The following UNC5D variants were observed in gnomAD, a reference collection of about 807,000 sequenced individuals.
The protein encoded by UNC5D is netrin receptor UNC5D.
In UNC5D, 39 loss-of-function variants were observed where a neutral mutation model predicts 105.4. The ratio of observed to expected loss-of-function variants is 0.37; its 90% CI spans 0.29 to 0.48. The LOEUF (loss-of-function observed/expected upper bound fraction) is 0.48. UNC5D is among the 20% of genes least tolerant of loss of function. UNC5D has a pLI of 0.98. For synonymous variants in UNC5D, 452 were observed against 450.4 expected, an observed-to-expected ratio of 1.00 and a Z score of -0.04; for missense variants, 991 against 1,202.4, an observed-to-expected ratio of 0.82 and a Z score of 2.60.
chr8:35,569,661 A>G (rs991585031), intron 3 of UNC5D, among the ~76,000 whole-genome samples: 2 of 152,178 alleles, frequency 1.3e-5, no homozygotes, highest in African/African-American at 4.8e-5. Context: ...ATTTTAGCCA[A>G]CAATTATTTT....
At chr8:35,349,384 A>G (rs1463469325) in intron 1 of UNC5D, among the ~76,000 whole-genome samples, 2 of 152,028 alleles carry the variant, frequency 1.3e-5, no homozygotes, top group Non-Finnish European at 2.9e-5. Flanking sequence ...AGTTATTTAT[A>G]TCTTCTGAAT....
chr8:35,783,927 G>A (rs1340562018), intron 16 of UNC5D, among the ~76,000 whole-genome samples: 2 of 152,010 alleles, frequency 1.3e-5, no homozygotes, highest in Admixed American at 1.3e-4. Flanking sequence ...CAAATCTAAA[G>A]TTTTATTATT....
chr8:35,345,974 G>A (rs1032223860), intron 1 of UNC5D, among the ~76,000 whole-genome samples: 2 of 152,012 alleles, frequency 1.3e-5, no homozygotes, highest in African/African-American at 2.4e-5. Context: ...CTCAGGTCAT[G>A]GCGTGTGTTT....
intron 1 of UNC5D, among the ~76,000 whole-genome samples, chr8:35,456,080 A>T (rs1329417813): frequency 1.3e-5 from 2 of 152,182 alleles, no homozygotes; most frequent in Non-Finnish European, 2.9e-5. Flanking sequence ...GGCCTGCCTA[A>T]TTCAGATAAT....
At chr8:35,292,171 T>G (rs1807116938) in intron 1 of UNC5D, among the ~76,000 whole-genome samples, 1 of 152,220 alleles carries the variant, frequency 6.6e-6, no homozygotes, top group Admixed American at 6.5e-5. Context: ...ACAGTTCGAT[T>G]TTCCCATATT....
At chr8:35,670,104 G>A (rs970180211) in intron 4 of UNC5D, among the ~76,000 whole-genome samples, 2 of 152,016 alleles carry the variant, frequency 1.3e-5, no homozygotes, top group African/African-American at 4.8e-5. Context: ...GGCCAGAGTG[G>A]GAGGAGGAAA....
At chr8:35,621,457 T>G (rs938351714) in intron 4 of UNC5D, among the ~76,000 whole-genome samples, 1 of 152,116 alleles carries the variant, frequency 6.6e-6, no homozygotes, top group African/African-American at 2.4e-5. Flanking sequence ...TATGTTAGGT[T>G]TGCTGATTAG....
rs929392350 is a variant in UNC5D at position 35,791,659 on chromosome 8, A to C, written c.*1096A>C. 1.3e-5 allele frequency: 2 copies of C among 152,162 alleles called. No individual in the cohort carries two copies. The highest frequency in any genetic ancestry group is 4.8e-5 in the African/African-American group (2 of 41,434). The allele number at this position is 152,162 out of a possible 1,614,324, so 9.4% of individuals were successfully genotyped here. A position where few individuals can be genotyped will look rare whatever the true frequency, so the allele number is the denominator to read the frequency against. On this transcript the variant is annotated 3_prime_UTR_variant, in exon 17 of 17. Transcript: ENST00000404895. ...TCATTTTGCCTCTTGGGAAATTAGC[A>C]GATAGTCTTTGCTCTAAATGATATC... is the stretch of plus-strand genomic sequence containing the variant.
intron 1 of UNC5D, among the ~76,000 whole-genome samples, chr8:35,266,847 G>A (rs1328026299): frequency 1.3e-5 from 2 of 152,168 alleles, no homozygotes; most frequent in Non-Finnish European, 2.9e-5. Context: ...GCTTTTCATG[G>A]CATGGCAGCT....
At chr8:35,629,508 A>T (rs1233161903) in intron 4 of UNC5D, among the ~76,000 whole-genome samples, 3 of 152,154 alleles carry the variant, frequency 2.0e-5, no homozygotes, top group African/African-American at 7.2e-5. Flanking sequence ...ATTCATGGAC[A>T]TAAAGATGGA....
At chr8:35,551,991 A>G (rs1221547066) in intron 2 of UNC5D, among the ~76,000 whole-genome samples, 2 of 152,200 alleles carry the variant, frequency 1.3e-5, no homozygotes, top group African/African-American at 4.8e-5. Flanking sequence ...ACTGCTAATC[A>G]TTACACAGTT....
intron 1 of UNC5D, among the ~76,000 whole-genome samples, chr8:35,288,840 A>G (rs1806817922): frequency 6.6e-6 from 1 of 152,148 alleles, no homozygotes; most frequent in Non-Finnish European, 1.5e-5. Flanking sequence ...AAAAGTAGAA[A>G]CCTATAGCAG....
intron 1 of UNC5D, among the ~76,000 whole-genome samples, chr8:35,374,693 G>A (rs1432958535): frequency 6.6e-6 from 1 of 152,186 alleles, no homozygotes; most frequent in East Asian, 1.9e-4. Context: ...CCTTCTAACA[G>A]AGATGGCACA....
chr8:35,337,075 TA>T (rs1487781136), intron 1 of UNC5D, among the ~76,000 whole-genome samples: 7 of 152,224 alleles, frequency 4.6e-5, no homozygotes, highest in African/African-American at 1.7e-4. Context: ...CATAGGAGAC[TA>T]ATGATTTAGA....
At chr8:35,678,826 C>CT (rs978200658) in intron 4 of UNC5D, among the ~76,000 whole-genome samples, 3 of 152,104 alleles carry the variant, frequency 2.0e-5, no homozygotes, top group Middle Eastern at 3.4e-3. Flanking sequence ...TTTTCTCTCT[C>CT]TTTTTTCTCT....
chr8:35,467,039 A>G (rs999209790), intron 1 of UNC5D, among the ~76,000 whole-genome samples: 1 of 152,178 alleles, frequency 6.6e-6, no homozygotes, highest in Non-Finnish European at 1.5e-5. Flanking sequence ...CTCTTTGACA[A>G]GGGGTGAAAT....
chr8:35,695,342 T>G (rs1563677513), intron 7 of UNC5D, among the ~76,000 whole-genome samples: 1 of 152,130 alleles, frequency 6.6e-6, no homozygotes, highest in African/African-American at 2.4e-5. Flanking sequence ...TTCTAAAATC[T>G]TATGATTCTA....
chr8:35,748,230 C>T (rs1465149345), intron 11 of UNC5D, among the ~76,000 whole-genome samples: 38 of 152,154 alleles, frequency 2.5e-4, no homozygotes, highest in Non-Finnish European at 1.0e-4. Flanking sequence ...TGGTGCATGA[C>T]CCACCAGCCA....
intron 1 of UNC5D, among the ~76,000 whole-genome samples, chr8:35,353,816 A>G (rs1014846884): frequency 1.3e-5 from 2 of 152,196 alleles, no homozygotes; most frequent in African/African-American, 2.4e-5. Flanking sequence ...ATCTCTGCAC[A>G]TACACGTGTA....
Sources: gnomAD v4.1 joint callset for allele counts (sites outside exome capture counted in the v4.1 genomes callset) on GRCh38, gnomAD v4.1.1 for gene constraint, MANE v1.5 for transcripts, NCBI Gene and HGNC (gene_info 2026-07-23, HGNC 2026-07-21) for gene names.